The following LINC00305 variants were observed in gnomAD, a reference collection of about 807,000 sequenced individuals.
LINC00305 encodes long intergenic non-protein coding RNA 305.
chr18:64,107,344 G>A (rs537189183), intron 1 of LINC00305, among the ~76,000 whole-genome samples: 52 of 152,306 alleles, frequency 3.4e-4, no homozygotes, highest in Admixed American at 9.8e-4. Flanking sequence ...ATGTGAAGGA[G>A]TAAGGGGGAG....
chr18:64,084,599 T>A (rs953266595), intron 3 of LINC00305, among the ~76,000 whole-genome samples: 2 of 152,256 alleles, frequency 1.3e-5, no homozygotes, highest in Non-Finnish European at 2.9e-5. Flanking sequence ...GTATCTTTCA[T>A]GGTTTATCAA....
intron 1 of LINC00305, among the ~76,000 whole-genome samples, chr18:64,125,703 A>G (rs2051382057): frequency 6.6e-6 from 1 of 152,000 alleles, no homozygotes; most frequent in South Asian, 2.1e-4. Context: ...TCTGATACTT[A>G]TTACCTTGTG....
At chr18:64,097,688 C>T (rs2051250098) in intron 3 of LINC00305, 1 of 313,858 alleles carries the variant, frequency 3.2e-6, no homozygotes. Flanking sequence ...TTTTAGATTG[C>T]AAAAAAAGTA....
At chr18:64,095,266 T>G (rs2144898169) in intron 3 of LINC00305, among the ~76,000 whole-genome samples, 1 of 152,254 alleles carries the variant, frequency 6.6e-6, no homozygotes, top group Non-Finnish European at 1.5e-5. Flanking sequence ...ACCTCTCCTC[T>G]CTCAAGGATG....
At chr18:64,119,780 C>A (rs755355412) in intron 1 of LINC00305, among the ~76,000 whole-genome samples, 1 of 151,980 alleles carries the variant, frequency 6.6e-6, no homozygotes, top group Non-Finnish European at 1.5e-5. Context: ...GGCAAGAAAC[C>A]GAAAATCCGG....
At chr18:64,129,146 T>C (rs920518357) in intron 1 of LINC00305, among the ~76,000 whole-genome samples, 3 of 152,092 alleles carry the variant, frequency 2.0e-5, no homozygotes, top group Admixed American at 6.6e-5. Context: ...AGACAAAAAC[T>C]AAAAGGCTCT....
At chr18:64,100,607 T>C (rs572661261) in intron 1 of LINC00305, among the ~76,000 whole-genome samples, 1 of 152,360 alleles carries the variant, frequency 6.6e-6, no homozygotes, top group East Asian at 1.9e-4. Context: ...TTTGAATGAA[T>C]TGATTTTCTC....
intron 1 of LINC00305, chr18:64,148,753 G>C (rs2051510648): frequency 6.6e-6 from 1 of 152,146 alleles, no homozygotes; most frequent in South Asian, 2.1e-4. Flanking sequence ...TATAAGTAGG[G>C]AGAGAGTTTT....
chr18:64,080,697 CAG>C (rs1046554033), intron 3 of LINC00305, among the ~76,000 whole-genome samples: 2 of 151,988 alleles, frequency 1.3e-5, no homozygotes, highest in Non-Finnish European at 2.9e-5. Flanking sequence ...TAATCTCTGA[CAG>C]AAACAATACA....
chr18:64,109,955 A>T (rs2051307947), intron 1 of LINC00305, among the ~76,000 whole-genome samples: 1 of 152,168 alleles, frequency 6.6e-6, no homozygotes, highest in Non-Finnish European at 1.5e-5. Flanking sequence ...ACTTTCTTAA[A>T]TCATTGTGAG....
intron 1 of LINC00305, among the ~76,000 whole-genome samples, chr18:64,128,282 A>G (rs553817535): frequency 6.6e-6 from 1 of 152,240 alleles, no homozygotes; most frequent in Non-Finnish European, 1.5e-5. Context: ...CTATTCATCA[A>G]CTTGGCTTAT....
intron 3 of LINC00305, among the ~76,000 whole-genome samples, chr18:64,086,109 A>G (rs2051202265): frequency 1.3e-5 from 2 of 152,244 alleles, no homozygotes; most frequent in Non-Finnish European, 1.5e-5. Context: ...AGGATTGACT[A>G]AAGTGCAGAA....
chr18:64,131,122 C>T (rs1210634725), intron 1 of LINC00305, among the ~76,000 whole-genome samples: 1 of 152,058 alleles, frequency 6.6e-6, no homozygotes, highest in Non-Finnish European at 1.5e-5. Flanking sequence ...AGCCCTGCTA[C>T]AAAAATGTGA....
rs560154735 is a variant in LINC00305, at chr18:64,092,723, C to T, written n.540+5111G>A. 5.3e-5 allele frequency among the ~76,000 whole-genome samples: 8 copies of T among 152,298 alleles called. No homozygotes were observed. In the South Asian group the frequency reaches 1.2e-3, roughly 24 times the overall value. On this transcript the variant is annotated intron_variant and non_coding_transcript_variant, in intron 3 of 3. Coordinates refer to ENST00000666468, the Ensembl canonical transcript of LINC00305. ...GGGCCCAGTGAATTTTCTCCTCTCACGTGAACTCTCTGTGGCTTGTGTACA... is the reference window on the plus strand; with the variant it reads ...GGGCCCAGTGAATTTTCTCCTCTCATGTGAACTCTCTGTGGCTTGTGTACA...
rs950306388 is a variant in LINC00305 at position 64,130,200 on chromosome 18, A to G, written n.314+18575T>C. ...TTAATGCATTCTATGTACCTTCAGT[A>G]GTTTGTGCATTTCATAAATTTGGAG... On this transcript the variant is annotated intron_variant and non_coding_transcript_variant, in intron 1 of 3. Coordinates refer to ENST00000666468, the Ensembl canonical transcript of LINC00305. Among the ~76,000 whole-genome samples the G allele has an allele frequency of 2.6e-5, 4 of 152,114 alleles. No homozygotes were observed. In the South Asian group the frequency reaches 6.2e-4, roughly 24 times the overall value.
chr18:64,092,119 C>T (rs373636406), intron 3 of LINC00305, among the ~76,000 whole-genome samples: 1 of 152,206 alleles, frequency 6.6e-6, no homozygotes, highest in Non-Finnish European at 1.5e-5. Context: ...ACCTATGTCA[C>T]CTCCTTTGGC....
At chr18:64,129,875 C>T (rs1270014006) in intron 1 of LINC00305, among the ~76,000 whole-genome samples, 1 of 151,166 alleles carries the variant, frequency 6.6e-6, no homozygotes, top group African/African-American at 2.4e-5. Context: ...ACACTCATTT[C>T]GCAAAACAAA....
At chr18:64,082,952 A>T (rs544169846) in intron 3 of LINC00305, among the ~76,000 whole-genome samples, 82 of 152,204 alleles carry the variant, frequency 5.4e-4, no homozygotes, top group South Asian at 4.8e-3. Flanking sequence ...AACATTTAGA[A>T]CTTTCTAATT....
At chr18:64,102,643 G>T (rs1278836682) in intron 1 of LINC00305, among the ~76,000 whole-genome samples, 1 of 152,158 alleles carries the variant, frequency 6.6e-6, no homozygotes, top group Non-Finnish European at 1.5e-5. Flanking sequence ...CTGGCTCATG[G>T]TTCTGCAGGC....
Sources: gnomAD v4.1 joint callset for allele counts (sites outside exome capture counted in the v4.1 genomes callset) on GRCh38, gnomAD v4.1.1 for gene constraint, MANE v1.5 for transcripts, NCBI Gene and HGNC (gene_info 2026-07-23, HGNC 2026-07-21) for gene names.